KRABD3: variants seen among roughly 807,000 people sequenced by gnomAD.
KRABD3 encodes the protein KRAB domain containing 3, also known as KRAB domain-containing protein 3.
the KRABD3 span, chr7:149,721,581 C>T: frequency 1.3e-6 from 2 of 1,592,838 alleles, no homozygotes; most frequent in Non-Finnish European, 1.7e-6. Flanking sequence ...ATTTCAAAAG[C>T]CCTGATCGTG....
chr7:149,720,223 C>A, the KRABD3 span: 1 of 1,332,020 alleles, frequency 7.5e-7, no homozygotes, highest in Non-Finnish European at 1.0e-6. Context: ...CAGCCTCTCA[C>A]CTCCCTGCCT....
chr7:149,719,790 G>A, the KRABD3 span: 13 of 1,291,342 alleles, frequency 1.0e-5, no homozygotes, highest in Non-Finnish European at 1.4e-5. This position sits in a 1 kb window ranked among gnomAD's most constrained non-coding sequence, Gnocchi z 5.6. Context: ...CACGGGGATC[G>A]TTCACGCTGC....
At chr7:149,729,462 T>A in the KRABD3 span, 1 of 1,289,554 alleles carries the variant, frequency 7.8e-7, no homozygotes, top group Non-Finnish European at 9.9e-7. Flanking sequence ...CCTCTGTTTC[T>A]TCCCCATCTC....
At chr7:149,723,297 G>C in the KRABD3 span, among the ~76,000 whole-genome samples, 2 of 152,216 alleles carry the variant, frequency 1.3e-5, no homozygotes, top group Non-Finnish European at 2.9e-5. Context: ...ATGGTGGAGG[G>C]GCCGGGGCAC....
the KRABD3 span, chr7:149,719,634 A>T: frequency 6.2e-7 from 1 of 1,608,548 alleles, no homozygotes; most frequent in South Asian, 1.1e-5. This position sits in a 1 kb window ranked among gnomAD's most constrained non-coding sequence, Gnocchi z 5.6. Flanking sequence ...TTCTACCGAG[A>T]CGTGATGCGG....
At chr7:149,719,812 G>C in the KRABD3 span, 1 of 1,246,456 alleles carries the variant, frequency 8.0e-7, no homozygotes, top group East Asian at 2.6e-5. The surrounding 1 kb of genome is among the most constrained non-coding windows in gnomAD (Gnocchi z 5.6). Flanking sequence ...GCTATTCTAT[G>C]TCCCGGGACC....
chr7:149,722,745 G>A, the KRABD3 span: 1 of 1,572,042 alleles, frequency 6.4e-7, no homozygotes, highest in Non-Finnish European at 8.6e-7. Context: ...GTCCCGTCAG[G>A]ACTGCACTGA....
the KRABD3 span, among the ~76,000 whole-genome samples, chr7:149,718,513 C>CTTTTTT: frequency 6.7e-4 from 55 of 81,956 alleles, no homozygotes; most frequent in Middle Eastern, 0.014. Flanking sequence ...CACTGAAGGA[C>CTTTTTT]TTTTTTTTTT....
the KRABD3 span, among the ~76,000 whole-genome samples, chr7:149,732,597 A>C: frequency 6.6e-6 from 1 of 151,494 alleles, no homozygotes; most frequent in African/African-American, 2.4e-5. The surrounding 1 kb of genome is among the most constrained non-coding windows in gnomAD (Gnocchi z 4.0). Context: ...TTTAGGGCGA[A>C]GGATTAGGTG....
At chr7:149,723,690 G>A in the KRABD3 span, 4 of 1,591,800 alleles carry the variant, frequency 2.5e-6, no homozygotes, top group Non-Finnish European at 3.4e-6. Flanking sequence ...CATGAAGGCT[G>A]AGGACACTGA....
At chr7:149,729,758 G>A in the KRABD3 span, 3 of 985,236 alleles carry the variant, frequency 3.0e-6, no homozygotes, top group African/African-American at 3.5e-5. Context: ...CCCATCAGAC[G>A]AGGATGGGCC....
chr7:149,723,729 C>CT, the KRABD3 span: 1,024,457 of 1,607,016 alleles, frequency 0.64, 330,618 homozygotes, highest in African/African-American at 0.88. Flanking sequence ...TTCCTTTTTC[C>CT]TTAGTGAAGA....
At chr7:149,729,566 CG>C in the KRABD3 span, 3 of 985,416 alleles carry the variant, frequency 3.0e-6, no homozygotes, top group Non-Finnish European at 3.6e-6. Flanking sequence ...TGACAAGGAG[CG>C]GGGTCGGGAA....
chr7:149,720,472 C>T, the KRABD3 span, among the ~76,000 whole-genome samples: 5 of 152,252 alleles, frequency 3.3e-5, no homozygotes, highest in Non-Finnish European at 5.9e-5. Context: ...TGTGCTCCAC[C>T]GGCCCAGACT....
At chr7:149,717,618 A>G in the KRABD3 span, among the ~76,000 whole-genome samples, 34,278 of 152,154 alleles carry the variant, frequency 0.23, 5,768 homozygotes, top group African/African-American at 0.48. Flanking sequence ...AGGCTGCAGC[A>G]TCTCACTGCC....
the KRABD3 span, chr7:149,734,267 C>G: frequency 1.7e-6 from 1 of 595,332 alleles, no homozygotes; most frequent in Non-Finnish European, 2.9e-6. Context: ...GCCCTCTTGG[C>G]TCAGATTCAA....
At chr7:149,718,288 G>A in the KRABD3 span, among the ~76,000 whole-genome samples, 4 of 152,044 alleles carry the variant, frequency 2.6e-5, no homozygotes, top group Admixed American at 1.3e-4. Context: ...TGAAACAAGC[G>A]GTGAATTGTC....
chr7:149,720,235 C>G, the KRABD3 span: 1 of 1,252,654 alleles, frequency 8.0e-7, no homozygotes, highest in Non-Finnish European at 1.1e-6. Context: ...TCCCTGCCTC[C>G]CCTACTGCAA....
chr7:149,715,049 C>A, the KRABD3 span: 2 of 1,229,756 alleles, frequency 1.6e-6, no homozygotes, highest in South Asian at 4.1e-5. Flanking sequence ...GAGGCTGAGC[C>A]CGGGGATGGC....
Sources: allele counts gnomAD v4.1 joint callset (sites outside exome capture counted in the v4.1 genomes callset), GRCh38; gene constraint gnomAD v4.1.1; non-coding constraint Gnocchi (gnomAD v3.1); transcripts MANE v1.5; gene names NCBI Gene and HGNC (gene_info 2026-07-23, HGNC 2026-07-21).